The following ENTPD1 variants were observed in gnomAD, a reference collection of about 807,000 sequenced individuals.
The protein encoded by ENTPD1 is ectonucleoside triphosphate diphosphohydrolase 1.
A neutral mutation model predicts 57.0 loss-of-function variants in ENTPD1; 33 were observed. The observed-to-expected ratio is 0.58, with a 90% confidence interval of 0.44 to 0.77. The LOEUF (loss-of-function observed/expected upper bound fraction) is 0.77, where lower values mean the gene tolerates loss of function less well. Among genes scored for constraint, ENTPD1 ranks in the 30% least tolerant of loss-of-function variants. The pLI is 0.00. For missense variants in ENTPD1, 501 were observed against 603.4 expected (o/e 0.83, Z 1.78); for synonymous variants, 202 against 218.8 (o/e 0.92, Z 0.68).
Position 95,874,339 on chromosome 10 carries a change from G to C in ENTPD1, c.*7956G>C, listed in dbSNP as rs932816398. ...AGGGTCCATGCAAGTCTGAAATCCA[G>C]TGGGGCAGTCAAATTTTAAAGCTCC... On this transcript the variant is annotated 3_prime_UTR_variant, in exon 10 of 10. Coordinates refer to ENST00000371205, the MANE Select transcript of ENTPD1 (RefSeq NM_001776.6). Among the ~76,000 whole-genome samples, 1 of 152,176 alleles carries C rather than the reference G, an allele frequency of 6.6e-6. No homozygotes were observed. The highest frequency in any genetic ancestry group is 1.5e-5 in the Non-Finnish European group (1 of 68,036).
intron 2 of ENTPD1, among the ~76,000 whole-genome samples, chr10:95,825,862 G>C (rs1045644203): frequency 6.6e-6 from 1 of 152,218 alleles, no homozygotes; most frequent in Non-Finnish European, 1.5e-5. Flanking sequence ...ACAGGCGTGA[G>C]CCACCGTGCC....
intron 9 of ENTPD1, 43 bp from the exon 10 acceptor site, chr10:95,866,134 C>A (rs1363314880): frequency 6.3e-7 from 1 of 1,587,314 alleles, no homozygotes; most frequent in Admixed American, 1.8e-5. Flanking sequence ...GATAACTCTT[C>A]TAACTCCTCC....
intron 7 of ENTPD1, among the ~76,000 whole-genome samples, chr10:95,850,453 T>C (rs754231916): frequency 6.6e-6 from 1 of 152,206 alleles, no homozygotes; most frequent in Non-Finnish European, 1.5e-5. Context: ...ACCTCATTGA[T>C]AGTTGTGAGT....
intron 1 of ENTPD1, among the ~76,000 whole-genome samples, chr10:95,765,201 A>G (rs941230311): frequency 2.6e-5 from 4 of 152,194 alleles, no homozygotes; most frequent in Admixed American, 2.6e-4. Flanking sequence ...TTTTGATGAT[A>G]TTCAATCTAT....
At chr10:95,700,993 C>T in the ENTPD1 span, among the ~76,000 whole-genome samples, 6 of 152,196 alleles carry the variant, frequency 3.9e-5, no homozygotes, top group African/African-American at 1.4e-4. Flanking sequence ...GAGGTTTTGC[C>T]ATGTTGGCCA....
chr10:95,697,347 A>T, the ENTPD1 span, among the ~76,000 whole-genome samples: 1 of 152,202 alleles, frequency 6.6e-6, no homozygotes, highest in Non-Finnish European at 1.5e-5. Flanking sequence ...CTGAAAAGGC[A>T]GGACAGTGCC....
Position 95,870,891 on chromosome 10 carries a change from T to C in ENTPD1, c.*4508T>C. On this transcript the variant is annotated 3_prime_UTR_variant, in exon 10 of 10. Transcript: ENST00000371205. ...AAACATTGATTTTCATGTTTGTGAG[T>C]CTGCAAGCCAGCTGGGCAGCTCTAC... 3.0e-6 allele frequency: 3 copies of C among 985,460 alleles called. No individual in the cohort carries two copies. The highest frequency in any genetic ancestry group is 3.6e-6 in the Non-Finnish European group (3 of 829,930). The allele number at this position is 985,460 out of a possible 1,614,324, so 61.0% of individuals were successfully genotyped here.
At chr10:95,820,422 A>G (rs751368948) in intron 1 of ENTPD1, among the ~76,000 whole-genome samples, 1 of 152,222 alleles carries the variant, frequency 6.6e-6, no homozygotes, top group Non-Finnish European at 1.5e-5. Flanking sequence ...ATATCATTGC[A>G]AAAGCTGGGA....
rs2098203762 is a variant in ENTPD1, at chr10:95,791,544, T to C, written c.17-31693T>C. Among the ~76,000 whole-genome samples, 1 of 152,188 alleles carries C rather than the reference T, an allele frequency of 6.6e-6. No individual in the cohort carries two copies. The highest frequency in any genetic ancestry group is 2.4e-5 in the African/African-American group (1 of 41,450). ...GAAACAGAACTTAGGTCAAGATAGA[T>C]TGCTAACAGTTAGACATGTCTGGCA... On this transcript the variant is annotated intron_variant, in intron 1 of 9. Coordinates refer to ENST00000371205, the MANE Select transcript of ENTPD1 (RefSeq NM_001776.6). This position sits in a 1 kb window ranked among gnomAD's most constrained non-coding sequence, Gnocchi z 4.1.
chr10:95,773,813 C>T (rs923102411), intron 1 of ENTPD1, among the ~76,000 whole-genome samples: 5 of 152,106 alleles, frequency 3.3e-5, no homozygotes, highest in African/African-American at 1.2e-4. Flanking sequence ...TGTGTCTTTA[C>T]AGTAGCATGA....
At chr10:95,839,665 A>C in intron 2 of ENTPD1, 26 bp from the exon 3 acceptor site, 1 of 1,610,326 alleles carries the variant, frequency 6.2e-7, no homozygotes, top group Non-Finnish European at 8.5e-7. Context: ...TGATACTGAT[A>C]AGTTTTTGGT....
chr10:95,699,614 AAGAAAG>A, the ENTPD1 span, among the ~76,000 whole-genome samples: 1 of 49,702 alleles, frequency 2.0e-5, no homozygotes, highest in Non-Finnish European at 6.6e-5. Context: ...TCCAAAAAAA[AAGAAAG>A]AGAGAGATTG....
chr10:95,711,877 A>G, exon 1 of ENTPD1: 4 of 1,602,888 alleles, frequency 2.5e-6, no homozygotes, highest in African/African-American at 1.3e-5. Context: ...CAGAGGGCAA[A>G]GGGGAAGTTT....
intron 1 of ENTPD1, among the ~76,000 whole-genome samples, chr10:95,797,423 A>T (rs1198267319): frequency 6.6e-6 from 1 of 152,176 alleles, no homozygotes; most frequent in Non-Finnish European, 1.5e-5. Flanking sequence ...TTAGGAAGTT[A>T]TCCTCATAGA....
At chr10:95,826,056 TTAG>T (rs1265267727) in intron 2 of ENTPD1, among the ~76,000 whole-genome samples, 2 of 152,200 alleles carry the variant, frequency 1.3e-5, no homozygotes, top group East Asian at 3.8e-4. Flanking sequence ...ATTGTCTGTG[TTAG>T]GCACTGGGCT....
chr10:95,866,333 GGCTT>G lies in ENTPD1; in HGVS notation c.1488_1491del (p.Leu497SerfsTer18), dbSNP rs1733246304. ...GGTCCTTTTCACAGTGGCCATCATA[GGCTT>G]GCTTATCTTTCACAAGCCTTCATAT... On this transcript the variant is annotated frameshift_variant, in exon 10 of 10. Transcript: ENST00000371205. LOFTEE classifies it high-confidence loss of function. 6.8e-6 allele frequency: 11 copies of G among 1,614,018 alleles called. No individual in the cohort carries two copies. The highest frequency in any genetic ancestry group is 9.3e-6 in the Non-Finnish European group (11 of 1,180,054).
At chr10:95,775,569 C>G (rs1452155155) in intron 1 of ENTPD1, among the ~76,000 whole-genome samples, 3 of 152,164 alleles carry the variant, frequency 2.0e-5, no homozygotes, top group Non-Finnish European at 4.4e-5. Flanking sequence ...AAGACCTTTT[C>G]TGCCTCTATT....
At chr10:95,854,747 G>T (rs1402798339) in intron 7 of ENTPD1, among the ~76,000 whole-genome samples, 1 of 152,186 alleles carries the variant, frequency 6.6e-6, no homozygotes, top group Non-Finnish European at 1.5e-5. Flanking sequence ...GCAGTTTTGT[G>T]TGAGTTTCTT....
At chr10:95,758,053 C>T (rs2139955642) in intron 1 of ENTPD1, among the ~76,000 whole-genome samples, 1 of 145,740 alleles carries the variant, frequency 6.9e-6, no homozygotes, top group South Asian at 2.2e-4. Flanking sequence ...ATCTGAAACC[C>T]TCTGCTTCTG....
Sources: gnomAD v4.1 joint callset for allele counts (sites outside exome capture counted in the v4.1 genomes callset) on GRCh38, gnomAD v4.1.1 for gene constraint, Gnocchi (gnomAD v3.1) non-coding constraint, MANE v1.5 for transcripts, NCBI Gene and HGNC (gene_info 2026-07-23, HGNC 2026-07-21) for gene names.